Variants in IL1RAPL2 observed in about 807,000 individuals in gnomAD.
IL1RAPL2 encodes X-linked interleukin-1 receptor accessory protein-like 2.
IL1RAPL2 carries 3 observed loss-of-function variants against 44.1 expected under a neutral mutation model. That is an observed-to-expected ratio of 0.07 (90% confidence interval 0.03 to 0.18). IL1RAPL2 has a LOEUF of 0.18. Ranked by LOEUF, IL1RAPL2 falls within the 10% of genes least tolerant of loss-of-function variation. The probability of loss-of-function intolerance (pLI) is 1.00; values close to 1 mark genes in which losing one functional copy is unlikely to be tolerated. For synonymous variants in IL1RAPL2, 181 were observed against 178.8 expected (o/e 1.01, Z -0.10); for missense variants, 391 against 496.4 (o/e 0.79, Z 2.02).
At chrX:105,521,060 G>A (rs1391050331) in intron 6 of IL1RAPL2, among the ~76,000 whole-genome samples, 6 of 100,051 alleles carry the variant, frequency 6.0e-5, no homozygotes, top group Admixed American at 1.1e-4. Flanking sequence ...TCAGCCTCCC[G>A]AGTAGCTGGG....
intron 6 of IL1RAPL2, among the ~76,000 whole-genome samples, chrX:105,490,465 CTA>C (rs1279172780): frequency 2.7e-5 from 3 of 111,788 alleles, no homozygotes; most frequent in African/African-American, 9.7e-5. Flanking sequence ...CAAACTGTCT[CTA>C]TATATGTAAG....
chrX:105,672,036 A>G (rs1038427624), intron 6 of IL1RAPL2, among the ~76,000 whole-genome samples: 8 of 111,483 alleles, frequency 7.2e-5, no homozygotes, highest in East Asian at 2.8e-4. Flanking sequence ...GGGACTTTCT[A>G]TTACTATACT....
At chrX:104,647,492 A>C in intron 1 of IL1RAPL2, 1 of 556,232 alleles carries the variant, frequency 1.8e-6, no homozygotes, top group Non-Finnish European at 3.2e-6. Flanking sequence ...GGGATGTGTC[A>C]AGGACACATC....
chrX:104,841,294 A>T (rs947016222), intron 2 of IL1RAPL2, among the ~76,000 whole-genome samples: 1 of 111,509 alleles, frequency 9.0e-6, no homozygotes, highest in Non-Finnish European at 1.9e-5. Context: ...TGCACGTGAG[A>T]TGTGTCTCCT....
intron 2 of IL1RAPL2, among the ~76,000 whole-genome samples, chrX:104,704,540 G>A (rs1285743402): frequency 9.0e-6 from 1 of 111,428 alleles, no homozygotes; most frequent in Admixed American, 9.6e-5. Flanking sequence ...ATAATGGACT[G>A]TGTTCTAAGG....
intron 1 of IL1RAPL2, among the ~76,000 whole-genome samples, chrX:104,592,663 T>G (rs1928691128): frequency 1.8e-5 from 2 of 111,631 alleles, no homozygotes; most frequent in Non-Finnish European, 3.8e-5. Context: ...AAGAATTTAA[T>G]CCAGGAGAAT....
intron 3 of IL1RAPL2, among the ~76,000 whole-genome samples, chrX:105,210,541 T>G (rs1023051571): frequency 1.8e-5 from 2 of 111,077 alleles, no homozygotes; most frequent in Non-Finnish European, 3.8e-5. Context: ...TCCAGTTAGT[T>G]GAGGCTAGGG....
chrX:105,629,806 G>T (rs185684428), intron 6 of IL1RAPL2, among the ~76,000 whole-genome samples: 1 of 111,725 alleles, frequency 9.0e-6, no homozygotes, highest in Non-Finnish European at 1.9e-5. Flanking sequence ...GCTAGATAAT[G>T]CCCAAATGAT....
At chrX:104,713,482 G>T (rs1197169261) in intron 2 of IL1RAPL2, among the ~76,000 whole-genome samples, 1 of 110,791 alleles carries the variant, frequency 9.0e-6, no homozygotes, top group Non-Finnish European at 1.9e-5. Flanking sequence ...ACTTGTTTTT[G>T]AAATTCAGAC....
intron 2 of IL1RAPL2, among the ~76,000 whole-genome samples, chrX:105,173,875 G>A (rs2033448116): frequency 9.1e-6 from 1 of 110,300 alleles, no homozygotes; most frequent in African/African-American, 3.3e-5. Context: ...TGGGATTACA[G>A]GCACCCGCCA....
chrX:105,216,627 A>G (rs906524488), intron 3 of IL1RAPL2, among the ~76,000 whole-genome samples: 1 of 111,587 alleles, frequency 9.0e-6, no homozygotes, highest in Non-Finnish European at 1.9e-5. Flanking sequence ...GGAACCAAAA[A>G]AGGGCCCGCA....
At chrX:105,551,662 C>T (rs1458045353) in intron 6 of IL1RAPL2, among the ~76,000 whole-genome samples, 2 of 111,896 alleles carry the variant, frequency 1.8e-5, no homozygotes, top group Non-Finnish European at 3.8e-5. Context: ...AGCTGCTGGG[C>T]TGCAAATAAA....
chrX:105,059,913 G>A (rs1247886261), intron 2 of IL1RAPL2, among the ~76,000 whole-genome samples: 4 of 112,280 alleles, frequency 3.6e-5, no homozygotes, highest in African/African-American at 1.3e-4. Context: ...TGCAATAAAC[G>A]TGGGAATGCA....
In IL1RAPL2 at chrX:105,675,521, G is replaced by A. The variant is rs189949309; in HGVS notation, c.773-41846G>A. Among the ~76,000 whole-genome samples the A allele has an allele frequency of 1.1e-3, 125 of 111,948 alleles. 1 individual carries two copies. Among genetic ancestry groups the A allele is most frequent in the African/African-American group, 3.9e-3 (120 of 30,863 alleles). Reference sequence around the variant, plus strand: ...TCCTGGGAATGAAGCCAATTTGATCGTGGTGGATAAGTTTCATGATGCGCT... The same window carrying A: ...TCCTGGGAATGAAGCCAATTTGATCATGGTGGATAAGTTTCATGATGCGCT... On this transcript the variant is annotated intron_variant, in intron 6 of 10. Transcript: ENST00000372582.
At chrX:105,085,662 A>G (rs146526274) in intron 2 of IL1RAPL2, among the ~76,000 whole-genome samples, 6,996 of 111,390 alleles carry the variant, frequency 0.063, 602 homozygotes, top group African/African-American at 0.22. Flanking sequence ...CAGCAATTCC[A>G]TTCCTGGGTA....
intron 6 of IL1RAPL2, among the ~76,000 whole-genome samples, chrX:105,638,907 T>A (rs1302963322): frequency 1.8e-5 from 2 of 111,775 alleles, no homozygotes; most frequent in African/African-American, 6.5e-5. Context: ...CCCAGAATCA[T>A]CCAGGAGTTA....
intron 5 of IL1RAPL2, among the ~76,000 whole-genome samples, chrX:105,363,111 C>T (rs1426204630): frequency 1.9e-5 from 2 of 106,455 alleles, no homozygotes; most frequent in Non-Finnish European, 3.9e-5. Flanking sequence ...TGAGGGCATG[C>T]AGTATTTGTC....
chrX:105,753,548 T>G (rs1458934698), intron 9 of IL1RAPL2, among the ~76,000 whole-genome samples: 1 of 111,610 alleles, frequency 9.0e-6, no homozygotes, highest in Non-Finnish European at 1.9e-5. Context: ...AGGTGTATCC[T>G]GCACGTGATT....
At chrX:105,657,056 A>G (rs2037681843) in intron 6 of IL1RAPL2, among the ~76,000 whole-genome samples, 1 of 111,476 alleles carries the variant, frequency 9.0e-6, no homozygotes, top group Non-Finnish European at 1.9e-5. Flanking sequence ...TGATCACACT[A>G]CTACTATGAC....
Sources: gnomAD v4.1 joint callset for allele counts (sites outside exome capture counted in the v4.1 genomes callset) on GRCh38, gnomAD v4.1.1 for gene constraint, MANE v1.5 for transcripts, NCBI Gene and HGNC (gene_info 2026-07-23, HGNC 2026-07-21) for gene names.